EZH2: variants seen among roughly 807,000 people sequenced by gnomAD.
The protein encoded by EZH2 is enhancer of zeste 2 polycomb repressive complex 2 subunit.
EZH2 carries 18 observed loss-of-function variants against 98.4 expected under a neutral mutation model. That is an observed-to-expected ratio of 0.18 (90% confidence interval 0.13 to 0.27). The LOEUF is 0.27. Ranked by LOEUF, EZH2 falls within the 10% of genes least tolerant of loss-of-function variation. The pLI is 1.00. For missense variants in EZH2, 470 were observed against 935.1 expected, an observed-to-expected ratio of 0.50 and a Z score of 6.49; for synonymous variants, 338 against 312.3, an observed-to-expected ratio of 1.08 and a Z score of -0.87.
rs531163920 is a variant in EZH2 at position 148,871,278 on chromosome 7, A to G, written c.-8+12886T>C. On this transcript the variant is annotated intron_variant, in intron 1 of 19. Coordinates refer to ENST00000320356, the MANE Select transcript of EZH2 (RefSeq NM_004456.5). ...AAATCGTGCAGCCATTATGGAAAAC[A>G]GTACTGAGGTTACTCAAAACATTAA... Among the ~76,000 whole-genome samples the G allele has an allele frequency of 3.3e-3, 508 of 152,204 alleles. 4 individuals carry two copies. Among genetic ancestry groups the G allele is most frequent in the African/African-American group, 0.012 (495 of 41,512 alleles).
intron 1 of EZH2, among the ~76,000 whole-genome samples, chr7:148,875,764 T>C (rs910480656): frequency 4.6e-5 from 7 of 152,246 alleles, no homozygotes; most frequent in African/African-American, 1.4e-4. Context: ...CAAATGGTGA[T>C]AGCAGCTTTA....
chr7:148,881,123 C>T (rs984166535), intron 1 of EZH2, among the ~76,000 whole-genome samples: 1 of 152,186 alleles, frequency 6.6e-6, no homozygotes, highest in Non-Finnish European at 1.5e-5. Context: ...GAAAATTTGT[C>T]ATCTATACTG....
intron 1 of EZH2, among the ~76,000 whole-genome samples, chr7:148,874,567 C>A (rs1213983647): frequency 6.6e-6 from 1 of 151,978 alleles, no homozygotes; most frequent in African/African-American, 2.4e-5. Context: ...TAAACAACAC[C>A]CAATGGAGGT....
At chr7:148,825,785 A>G (rs1042788952) in intron 8 of EZH2, among the ~76,000 whole-genome samples, 1 of 152,238 alleles carries the variant, frequency 6.6e-6, no homozygotes, top group Non-Finnish European at 1.5e-5. Flanking sequence ...AAACTACTCT[A>G]GGAAAATTAG....
chr7:148,835,583 T>C (rs2129479836), intron 3 of EZH2, among the ~76,000 whole-genome samples: 1 of 152,192 alleles, frequency 6.6e-6, no homozygotes, highest in East Asian at 1.9e-4. Flanking sequence ...TGAATATAAT[T>C]ACTGATACTG....
chr7:148,877,212 C>T (rs535747245), intron 1 of EZH2, among the ~76,000 whole-genome samples: 1 of 152,058 alleles, frequency 6.6e-6, no homozygotes, highest in South Asian at 2.1e-4. Flanking sequence ...TACACCAAAC[C>T]GTTAAAGGTA....
chr7:148,847,173 A>C lies in EZH2; in HGVS notation c.117+9T>G. 6.3e-7 allele frequency: 1 copy of C among 1,596,980 alleles called. No individual in the cohort carries two copies. Among genetic ancestry groups the C allele is most frequent in the South Asian group, 1.1e-5 (1 of 87,740 alleles). ...TGTATATTCATTTTCACAAAAGATA[A>C]AATTATACCTTTACTTCATCAGCTC... On this transcript the variant is annotated intron_variant, in intron 2 of 19. Coordinates refer to ENST00000320356, the MANE Select transcript of EZH2 (RefSeq NM_004456.5).
At chr7:148,807,877 T>C (rs1801934084) in intron 19 of EZH2, among the ~76,000 whole-genome samples, 171 bp from the exon 20 acceptor site, 1 of 149,234 alleles carries the variant, frequency 6.7e-6, no homozygotes, top group Non-Finnish European at 1.5e-5. Flanking sequence ...GGCACATTCA[T>C]AGAAGGCAAT....
At chr7:148,853,768 C>T (rs1290250411) in intron 1 of EZH2, among the ~76,000 whole-genome samples, 2 of 152,164 alleles carry the variant, frequency 1.3e-5, no homozygotes, top group East Asian at 3.8e-4. Flanking sequence ...TATTTTTACC[C>T]ACAGTTGGCT....
intron 3 of EZH2, among the ~76,000 whole-genome samples, chr7:148,844,339 T>G (rs1813403105): frequency 6.6e-6 from 1 of 152,244 alleles, no homozygotes; most frequent in African/African-American, 2.4e-5. Context: ...TACGATTTAT[T>G]GTGATAACAC....
chr7:148,858,984 A>G (rs951329817), intron 1 of EZH2, among the ~76,000 whole-genome samples: 3 of 152,230 alleles, frequency 2.0e-5, no homozygotes, highest in African/African-American at 7.2e-5. Flanking sequence ...TTTAAAATGA[A>G]GAGAAAAACT....
chr7:148,863,988 A>T (rs1395301351), intron 1 of EZH2, among the ~76,000 whole-genome samples: 1 of 152,240 alleles, frequency 6.6e-6, no homozygotes, highest in Admixed American at 6.5e-5. Context: ...AAGTCTCATG[A>T]TAGGGGAAAA....
At chr7:148,832,485 A>T (rs949911855) in intron 4 of EZH2, 149 bp downstream of exon 4, 6 of 525,160 alleles carry the variant, frequency 1.1e-5, no homozygotes, top group Non-Finnish European at 1.4e-5. Context: ...AAACTACCTT[A>T]ATCAATTTTT....
At chr7:148,881,666 G>GTGGC (rs1820974746) in intron 1 of EZH2, among the ~76,000 whole-genome samples, 1 of 152,094 alleles carries the variant, frequency 6.6e-6, no homozygotes, top group Non-Finnish European at 1.5e-5. Context: ...GCTGGGCGTG[G>GTGGC]TGGCTCACGT....
intron 16 of EZH2, among the ~76,000 whole-genome samples, chr7:148,810,811 G>T (rs113049482): frequency 6.7e-6 from 1 of 150,042 alleles, no homozygotes; most frequent in East Asian, 2.0e-4. Context: ...CAGGAGAATC[G>T]CTTGAACCCG....
chr7:148,827,260 T>C lies in EZH2; in HGVS notation c.632A>G (p.Glu211Gly). 6.2e-7 allele frequency: 1 copy of C among 1,612,946 alleles called. No homozygotes were observed. Among genetic ancestry groups the C allele is most frequent in the African/African-American group, 1.3e-5 (1 of 74,964 alleles). The change falls in exon 7 of 20, where the codon GAA becomes GGA. Residue 211 changes from glutamate to glycine, a missense_variant. Physicochemically the swap from Glu to Gly is moderately conservative, Grantham distance 98 (BLOSUM62 -2). Transcript: ENST00000320356. ...KDLEDHRDDKESRPPRKFPSD... is the reference protein window; with the variant it reads ...KDLEDHRDDKGSRPPRKFPSD... Reference sequence around the variant, plus strand: ...AGGAAATTTCCGAGGTGGGCGGCTTTCTTTATCTAAACAGGAGAATATGAA... The same window carrying C: ...AGGAAATTTCCGAGGTGGGCGGCTTCCTTTATCTAAACAGGAGAATATGAA...
intron 1 of EZH2, among the ~76,000 whole-genome samples, chr7:148,851,227 C>T (rs972773060): frequency 1.3e-5 from 2 of 152,102 alleles, no homozygotes; most frequent in African/African-American, 2.4e-5. Context: ...AGAAACCCCC[C>T]GCAAAAGGAG....
intron 1 of EZH2, among the ~76,000 whole-genome samples, chr7:148,870,611 A>T (rs1474235600): frequency 6.6e-6 from 1 of 151,088 alleles, no homozygotes; most frequent in East Asian, 2.0e-4. Context: ...GCTGAGGTGG[A>T]GGATCACTTG....
chr7:148,833,392 G>A (rs866546176), intron 3 of EZH2, among the ~76,000 whole-genome samples: 3 of 151,640 alleles, frequency 2.0e-5, no homozygotes, highest in Middle Eastern at 3.4e-3. Context: ...GGGAGGCGGA[G>A]CTTGCAGTGA....
Sources: gnomAD v4.1 joint callset for allele counts (sites outside exome capture counted in the v4.1 genomes callset) on GRCh38, gnomAD v4.1.1 for gene constraint, MANE v1.5 for transcripts, NCBI Gene and HGNC (gene_info 2026-07-23, HGNC 2026-07-21) for gene names.